Variants in RPSA2 observed in about 807,000 individuals in gnomAD.
The protein encoded by RPSA2 is small ribosomal subunit protein uS2B.
At chr19:23,827,255 T>C in the RPSA2 span, 1 of 763,900 alleles carries the variant, frequency 1.3e-6, no homozygotes, top group Non-Finnish European at 2.3e-6. Context: ...CAATCTTGAC[T>C]TCCAGATGGA....
chr19:23,867,285 C>G, the RPSA2 span, among the ~76,000 whole-genome samples: 2 of 152,314 alleles, frequency 1.3e-5, no homozygotes, highest in East Asian at 1.9e-4. Context: ...AAGTGTTCAA[C>G]GGAGTGCTGA....
At chr19:23,840,414 G>A in the RPSA2 span, among the ~76,000 whole-genome samples, 7 of 152,274 alleles carry the variant, frequency 4.6e-5, no homozygotes, top group African/African-American at 1.7e-4. Flanking sequence ...CTGAGCAGGT[G>A]AAGATATAAA....
the RPSA2 span, among the ~76,000 whole-genome samples, chr19:23,850,271 A>AG: frequency 6.7e-6 from 1 of 148,438 alleles, no homozygotes; most frequent in Admixed American, 6.8e-5. Context: ...AGTCAGTATG[A>AG]GGGGAAATTG....
At chr19:23,765,261 A>G in the RPSA2 span, among the ~76,000 whole-genome samples, 2 of 152,224 alleles carry the variant, frequency 1.3e-5, no homozygotes, top group South Asian at 2.1e-4. Flanking sequence ...AGACAGGAAT[A>G]CCATTTGACC....
the RPSA2 span, among the ~76,000 whole-genome samples, chr19:23,802,231 A>G: frequency 1.3e-5 from 2 of 151,490 alleles, no homozygotes; most frequent in East Asian, 3.9e-4. Flanking sequence ...CTCTAAGTGT[A>G]AACAAGCATC....
the RPSA2 span, chr19:23,832,988 G>T: frequency 6.9e-7 from 1 of 1,457,008 alleles, no homozygotes; most frequent in South Asian, 1.2e-5. Context: ...GAAGAATGTG[G>T]CAAAGCCTTT....
chr19:23,856,031 C>G, the RPSA2 span, among the ~76,000 whole-genome samples: 1 of 151,958 alleles, frequency 6.6e-6, no homozygotes, highest in Non-Finnish European at 1.5e-5. Flanking sequence ...CCAAAGTCAC[C>G]AGAGTTAGAT....
the RPSA2 span, among the ~76,000 whole-genome samples, chr19:23,791,219 TCG>T: frequency 6.6e-6 from 1 of 152,202 alleles, no homozygotes; most frequent in East Asian, 1.9e-4. Flanking sequence ...AAGGGGCTTC[TCG>T]AACTCCTGAC....
the RPSA2 span, among the ~76,000 whole-genome samples, chr19:23,823,426 G>T: frequency 6.6e-6 from 1 of 152,034 alleles, no homozygotes; most frequent in Non-Finnish European, 1.5e-5. Flanking sequence ...CACTAGTCCC[G>T]GTTGGTCCCA....
At chr19:23,799,639 C>A in the RPSA2 span, among the ~76,000 whole-genome samples, 49,804 of 51,958 alleles carry the variant, frequency 0.96, 24,099 homozygotes, top group Middle Eastern at 1. Flanking sequence ...GAGGGGAAGC[C>A]GGAGTACTGT....
At chr19:23,820,124 AT>A in the RPSA2 span, among the ~76,000 whole-genome samples, 1 of 152,138 alleles carries the variant, frequency 6.6e-6, no homozygotes, top group African/African-American at 2.4e-5. Context: ...CCATAAGCAG[AT>A]TTTCACAAGG....
chr19:23,768,135 C>T, the RPSA2 span, among the ~76,000 whole-genome samples: 16 of 151,834 alleles, frequency 1.1e-4, no homozygotes, highest in Admixed American at 3.9e-4. Flanking sequence ...AAAAAGTCAA[C>T]GACTATGAAA....
At chr19:23,866,513 G>GCCCC in the RPSA2 span, among the ~76,000 whole-genome samples, 576 of 142,316 alleles carry the variant, frequency 4.0e-3, no homozygotes, top group Non-Finnish European at 5.8e-3. Flanking sequence ...ACAATGTGGT[G>GCCCC]CCCCCCCCCG....
the RPSA2 span, among the ~76,000 whole-genome samples, chr19:23,767,431 T>G: frequency 1.3e-5 from 2 of 152,090 alleles, no homozygotes; most frequent in Admixed American, 1.3e-4. Context: ...GACAATCAAA[T>G]GTTCGCATTG....
chr19:23,867,987 A>G, the RPSA2 span, among the ~76,000 whole-genome samples: 3 of 152,182 alleles, frequency 2.0e-5, no homozygotes, highest in Non-Finnish European at 4.4e-5. Context: ...GCTCAACTTC[A>G]TCTGTTGGTG....
the RPSA2 span, among the ~76,000 whole-genome samples, chr19:23,803,412 T>A: frequency 1.3e-5 from 2 of 152,220 alleles, no homozygotes; most frequent in East Asian, 1.9e-4. Flanking sequence ...AAATTTTTTT[T>A]AAAACCATTG....
At chr19:23,777,722 C>T in the RPSA2 span, among the ~76,000 whole-genome samples, 2 of 152,152 alleles carry the variant, frequency 1.3e-5, no homozygotes, top group African/African-American at 4.8e-5. Context: ...CCTGCCTGAG[C>T]CTTGCCCACA....
the RPSA2 span, among the ~76,000 whole-genome samples, chr19:23,803,219 T>C: frequency 1.3e-5 from 2 of 152,202 alleles, no homozygotes; most frequent in African/African-American, 4.8e-5. Flanking sequence ...TTCACCCTTT[T>C]TGAAGACCTT....
At chr19:23,782,160 T>C in the RPSA2 span, 1 of 152,416 alleles carries the variant, frequency 6.6e-6, no homozygotes, top group South Asian at 2.1e-4. Flanking sequence ...GGGATTGTAC[T>C]GTATGTCTTC....
Sources: gnomAD v4.1 joint callset for allele counts (sites outside exome capture counted in the v4.1 genomes callset) on GRCh38, gnomAD v4.1.1 for gene constraint, MANE v1.5 for transcripts, NCBI Gene and HGNC (gene_info 2026-07-23, HGNC 2026-07-21) for gene names.